The following BCL2 variants were observed in gnomAD, a reference collection of about 807,000 sequenced individuals.
BCL2 encodes apoptosis regulator Bcl-2.
BCL2 carries 1 observed loss-of-function variant against 14.2 expected under a neutral mutation model. That is an observed-to-expected ratio of 0.07 (90% CI 0.02 to 0.33). The LOEUF (loss-of-function observed/expected upper bound fraction) is 0.33, where lower values mean the gene tolerates loss of function less well. Ranked by LOEUF, BCL2 falls within the 10% of genes least tolerant of loss-of-function variation. The probability of loss-of-function intolerance (pLI) is 0.99; values close to 1 mark genes in which losing one functional copy is unlikely to be tolerated. For synonymous variants in BCL2, 151 were observed against 137.2 expected (o/e 1.10, Z -0.70); for missense variants, 247 against 305.9 (o/e 0.81, Z 1.44).
intron 2 of BCL2, among the ~76,000 whole-genome samples, chr18:63,202,308 C>CA (rs1047923284): frequency 9.2e-5 from 14 of 151,626 alleles, no homozygotes; most frequent in African/African-American, 2.2e-4. Context: ...GACTCAGTCT[C>CA]AAAAAAAATA....
intron 2 of BCL2, among the ~76,000 whole-genome samples, chr18:63,155,206 C>T (rs1914745351): frequency 1.3e-5 from 2 of 152,192 alleles, no homozygotes; most frequent in African/African-American, 4.8e-5. Flanking sequence ...TGGCAAATGG[C>T]AGTGTCCTTT....
chr18:63,212,373 C>G (rs118104637), intron 2 of BCL2, among the ~76,000 whole-genome samples: 20,440 of 151,140 alleles, frequency 0.14, 2,228 homozygotes, highest in Non-Finnish European at 0.2. Flanking sequence ...CAAAAAAACT[C>G]CATTTAGTAG....
At chr18:63,218,770 A>ATCCCCCTCTACTCC (rs1464576517) in intron 2 of BCL2, among the ~76,000 whole-genome samples, 9 of 8,118 alleles carry the variant, frequency 1.1e-3, no homozygotes, top group Non-Finnish European at 1.7e-3. Flanking sequence ...CCCTCTACTC[A>ATCCCCCTCTACTCC]TCCCCATCCT....
chr18:63,129,643 G>C (rs1245224652), intron 2 of BCL2, among the ~76,000 whole-genome samples: 1 of 152,196 alleles, frequency 6.6e-6, no homozygotes, highest in African/African-American at 2.4e-5. Context: ...AAAAAGCTGA[G>C]AATCGCAGGG....
At chr18:63,197,635 A>G (rs894187797) in intron 2 of BCL2, among the ~76,000 whole-genome samples, 2 of 151,972 alleles carry the variant, frequency 1.3e-5, no homozygotes, top group African/African-American at 4.8e-5. Flanking sequence ...CAGAAAAGGG[A>G]AGGGAGAGAG....
rs138569228 is a variant in BCL2, at chr18:63,143,563, T to A, written c.586-14804A>T. Among the ~76,000 whole-genome samples, 688 of 152,360 alleles carry A rather than the reference T, an allele frequency of 4.5e-3. 5 individuals are homozygous for A. The highest frequency in any genetic ancestry group is 0.015 in the African/African-American group (641 of 41,584). Reference sequence around the variant, plus strand: ...CAAACGCTCAGGACCGGTCAGACACTTTTGCAGCTTGCAGCGGCGAGCCTG... The same window carrying A: ...CAAACGCTCAGGACCGGTCAGACACATTTGCAGCTTGCAGCGGCGAGCCTG... On this transcript the variant is annotated intron_variant, in intron 2 of 2. Transcript: ENST00000333681.
At chr18:63,290,463 G>A (rs904527222) in intron 2 of BCL2, among the ~76,000 whole-genome samples, 1 of 152,220 alleles carries the variant, frequency 6.6e-6, no homozygotes, top group Admixed American at 6.5e-5. Context: ...AAATGGAAAT[G>A]AGGCGAGGTT....
At chr18:63,309,232 G>A (rs988279674) in intron 2 of BCL2, among the ~76,000 whole-genome samples, 4 of 152,148 alleles carry the variant, frequency 2.6e-5, no homozygotes, top group Non-Finnish European at 4.4e-5. Context: ...ACCACTTAGG[G>A]CAATGAAAGA....
chr18:63,141,847 T>C (rs1010347792), intron 2 of BCL2, among the ~76,000 whole-genome samples: 1 of 152,368 alleles, frequency 6.6e-6, no homozygotes, highest in East Asian at 1.9e-4. Flanking sequence ...TTGTCGGTCA[T>C]GATTTGGGCC....
chr18:63,145,961 C>A (rs771580100), intron 2 of BCL2, among the ~76,000 whole-genome samples: 9 of 152,104 alleles, frequency 5.9e-5, no homozygotes, highest in Non-Finnish European at 7.4e-5. Flanking sequence ...TCCCCAAGAT[C>A]CCCCAAACCT....
At chr18:63,131,861 C>T (rs1410677519) in intron 2 of BCL2, among the ~76,000 whole-genome samples, 1 of 152,210 alleles carries the variant, frequency 6.6e-6, no homozygotes, top group African/African-American at 2.4e-5. Context: ...CTCCAGCTGG[C>T]ATTTTCTCCC....
intron 2 of BCL2, among the ~76,000 whole-genome samples, chr18:63,216,891 T>C (rs112353475): frequency 8.7e-4 from 133 of 152,358 alleles, no homozygotes; most frequent in Admixed American, 1.2e-3. Flanking sequence ...TTCTATTCAA[T>C]TGTGGTTTTC....
At chr18:63,165,008 A>G (rs890826511) in intron 2 of BCL2, among the ~76,000 whole-genome samples, 1 of 152,258 alleles carries the variant, frequency 6.6e-6, no homozygotes, top group African/African-American at 2.4e-5. Flanking sequence ...CCAGCATGGC[A>G]CATGTATACA....
chr18:63,273,640 T>C (rs1433201482), intron 2 of BCL2, among the ~76,000 whole-genome samples: 1 of 152,228 alleles, frequency 6.6e-6, no homozygotes, highest in East Asian at 1.9e-4. Flanking sequence ...TTCGTGTCTA[T>C]GAAATGAGAG....
At chr18:63,228,535 A>G (rs547763997) in intron 2 of BCL2, among the ~76,000 whole-genome samples, 10 of 152,328 alleles carry the variant, frequency 6.6e-5, no homozygotes, top group African/African-American at 2.4e-4. Context: ...CTCCAAATAA[A>G]ATATAAGATC....
chr18:63,314,979 C>T (rs1913452530), intron 2 of BCL2: 1 of 152,114 alleles, frequency 6.6e-6, no homozygotes. Flanking sequence ...CTGGGAAATA[C>T]TCGGTATTCC....
intron 2 of BCL2, among the ~76,000 whole-genome samples, chr18:63,151,873 C>A (rs748295294): frequency 2.0e-5 from 3 of 152,120 alleles, no homozygotes; most frequent in Admixed American, 6.5e-5. Flanking sequence ...TGCACTGAAC[C>A]CTTGGATAAA....
chr18:63,312,955 T>C (rs1169117823), intron 2 of BCL2, among the ~76,000 whole-genome samples: 1 of 152,264 alleles, frequency 6.6e-6, no homozygotes, highest in Non-Finnish European at 1.5e-5. Flanking sequence ...CTCTTAAGCA[T>C]ATGTCTACGT....
chr18:63,157,317 C>T (rs1314303912), intron 2 of BCL2, among the ~76,000 whole-genome samples: 1 of 152,182 alleles, frequency 6.6e-6, no homozygotes, highest in Non-Finnish European at 1.5e-5. Context: ...CCTAATGCTC[C>T]CTTCCCATCC....
Sources: gnomAD v4.1 joint callset for allele counts (sites outside exome capture counted in the v4.1 genomes callset) on GRCh38, gnomAD v4.1.1 for gene constraint, MANE v1.5 for transcripts, NCBI Gene and HGNC (gene_info 2026-07-23, HGNC 2026-07-21) for gene names.